RUNX3: variants seen among roughly 807,000 people sequenced by gnomAD.
RUNX3 encodes RUNX family transcription factor 3.
Under a neutral mutation model 27.7 loss-of-function variants are expected in RUNX3, and 10 were observed. The ratio of observed to expected loss-of-function variants is 0.36; its 90% CI spans 0.22 to 0.61. The LOEUF (loss-of-function observed/expected upper bound fraction) is 0.61, where lower values mean the gene tolerates loss of function less well. Among genes scored for constraint, RUNX3 ranks in the 20% least tolerant of loss-of-function variants. RUNX3 has a pLI of 0.72. For missense variants in RUNX3, 469 were observed against 629.5 expected, an observed-to-expected ratio of 0.75 and a Z score of 2.73; for synonymous variants, 270 against 269.2, an observed-to-expected ratio of 1.00 and a Z score of -0.03.
upstream of RUNX3, chr1:24,930,414 T>C (rs1641199219): frequency 5.3e-6 from 1 of 187,710 alleles, no homozygotes; most frequent in Non-Finnish European, 9.9e-6. The surrounding 1 kb of genome is among the most constrained non-coding windows in gnomAD (Gnocchi z 4.1). Flanking sequence ...GAACGGGGCC[T>C]GCCGGAGGCC....
chr1:24,912,654 C>T (rs557464111), intron 3 of RUNX3, among the ~76,000 whole-genome samples: 54 of 152,010 alleles, frequency 3.6e-4, no homozygotes, highest in African/African-American at 1.2e-3. Context: ...CATCTTGTTT[C>T]GCCTGGCAGC....
In RUNX3 at chr1:24,904,341, G is replaced by A. The variant is rs902711295; in HGVS notation, c.704-1675C>T. Among the ~76,000 whole-genome samples, 4 of 152,212 alleles carry A rather than the reference G, an allele frequency of 2.6e-5. No homozygotes were observed. The highest frequency in any genetic ancestry group is 4.4e-5 in the Non-Finnish European group (3 of 68,028). On this transcript the variant is annotated intron_variant, in intron 4 of 4. Transcript: ENST00000308873. The surrounding 1 kb of genome is among the most constrained non-coding windows in gnomAD (Gnocchi z 5.7). Reference sequence around the variant, plus strand: ...GCTGGGGTATGTTTCCCTCAGCAGCGTACTCTGGCCCTGGGCGTGGATCCG... The same window carrying A: ...GCTGGGGTATGTTTCCCTCAGCAGCATACTCTGGCCCTGGGCGTGGATCCG...
chr1:24,949,109 A>G (rs1178814043), intron 2 of RUNX3, among the ~76,000 whole-genome samples: 1 of 151,970 alleles, frequency 6.6e-6, no homozygotes, highest in East Asian at 1.9e-4. Context: ...TCTTGATACA[A>G]TCACATTCAT....
At chr1:24,926,931 C>A (rs1641110401) in intron 2 of RUNX3, among the ~76,000 whole-genome samples, 1 of 151,462 alleles carries the variant, frequency 6.6e-6, no homozygotes, top group East Asian at 1.9e-4. Context: ...CAGCCCCCCA[C>A]CCCCGTCCCG....
intron 3 of RUNX3, among the ~76,000 whole-genome samples, chr1:24,910,383 T>C (rs1571306383): frequency 6.6e-6 from 1 of 151,566 alleles, no homozygotes; most frequent in East Asian, 1.9e-4. Flanking sequence ...CGTTTTCTAG[T>C]TTGGCAGAGG....
chr1:24,947,011 G>A (rs977522231), intron 2 of RUNX3, among the ~76,000 whole-genome samples: 1 of 152,142 alleles, frequency 6.6e-6, no homozygotes, highest in Admixed American at 6.5e-5. Flanking sequence ...GGGTCCTCTG[G>A]ACCTCAGGCC....
intron 2 of RUNX3, among the ~76,000 whole-genome samples, chr1:24,937,761 G>A (rs1211965382): frequency 1.1e-4 from 16 of 152,332 alleles, no homozygotes; most frequent in Non-Finnish European, 1.3e-4. Flanking sequence ...GTGTCAAACC[G>A]AGGGCCTGGG....
intron 3 of RUNX3, among the ~76,000 whole-genome samples, chr1:24,914,052 G>A (rs1444234272): frequency 6.6e-6 from 1 of 152,202 alleles, no homozygotes; most frequent in Non-Finnish European, 1.5e-5. Context: ...ACGGTGTGTG[G>A]CACCCCTGAG....
At chr1:24,951,023 T>TG (rs1641748466) in intron 2 of RUNX3, among the ~76,000 whole-genome samples, 1 of 151,932 alleles carries the variant, frequency 6.6e-6, no homozygotes, top group Non-Finnish European at 1.5e-5. Flanking sequence ...CTGGATAACA[T>TG]GGGGAAACCC....
At chr1:24,948,449 C>T (rs993361943) in intron 2 of RUNX3, among the ~76,000 whole-genome samples, 1 of 152,160 alleles carries the variant, frequency 6.6e-6, no homozygotes, top group Non-Finnish European at 1.5e-5. Flanking sequence ...GCTGGGACAG[C>T]CTGTGACAGA....
intron 4 of RUNX3, among the ~76,000 whole-genome samples, chr1:24,906,828 G>A (rs1227692060): frequency 2.6e-5 from 4 of 152,206 alleles, no homozygotes; most frequent in African/African-American, 9.7e-5. Context: ...GCCCTGGGTG[G>A]AGGCATCCGC....
At chr1:24,936,707 C>T (rs1220609879) in intron 2 of RUNX3, among the ~76,000 whole-genome samples, 1 of 152,238 alleles carries the variant, frequency 6.6e-6, no homozygotes, top group African/African-American at 2.4e-5. Context: ...GCCCACCCAG[C>T]AGCTTCTGGG....
At position 24,927,638 on chromosome 1, in the gene RUNX3, C is replaced by A. The variant is rs140153168; in HGVS notation, c.375G>T (p.Ser125=). ...ENYSAELRNA[S]AVMKNQVARF... is the part of the protein sequence containing the mutation. The stretch of plus-strand genomic sequence containing the variant: ...TGGCCACCTGGTTCTTCATGACGGC[C>A]GAGGCATTGCGCAGCTCAGCGGAGT... The change falls in exon 2 of 5, where the codon TCG becomes TCT. Residue 125 remains serine, a synonymous_variant. Transcript: ENST00000308873. The surrounding 1 kb of genome is among the most constrained non-coding windows in gnomAD (Gnocchi z 5.0). 7.4e-6 allele frequency: 12 copies of A among 1,614,026 alleles called. No individual in the cohort carries two copies. Among genetic ancestry groups the A allele is most frequent in the Non-Finnish European group, 9.3e-6 (11 of 1,180,038 alleles).
Position 24,963,349 on chromosome 1 carries a change from G to A in RUNX3, c.58+1165C>T, listed in dbSNP as rs144421201. Among the ~76,000 whole-genome samples, 1,419 of 152,350 alleles carry A rather than the reference G, an allele frequency of 9.3e-3. 16 individuals are homozygous for A. Among genetic ancestry groups the A allele is most frequent in the South Asian group, 0.017 (80 of 4,832 alleles). On this transcript the variant is annotated intron_variant, in intron 2 of 6. Coordinates refer to the RUNX3 transcript ENST00000338888. ...AGCCAGCGGCAGGGCAGGCCAATGG[G>A]CTGGAGGGTAGGCAGGCAGGCAGAC...
chr1:24,903,890 T>C (rs2124241496), intron 4 of RUNX3, among the ~76,000 whole-genome samples: 2 of 152,330 alleles, frequency 1.3e-5, no homozygotes, highest in South Asian at 4.1e-4. Flanking sequence ...ATATAAAACA[T>C]GAGACGATAA....
At chr1:24,911,705 G>A (rs185844427) in intron 3 of RUNX3, among the ~76,000 whole-genome samples, 22 of 152,346 alleles carry the variant, frequency 1.4e-4, no homozygotes. Flanking sequence ...ATTCACACCC[G>A]GATCCCCCGA....
chr1:24,902,596 G>A lies in RUNX3; in HGVS notation c.774C>T (p.Leu258=). Residue 258 remains leucine, a synonymous_variant, in exon 5 of 5, where the codon CTC becomes CTT. Transcript: ENST00000308873. This position sits in a 1 kb window ranked among gnomAD's most constrained non-coding sequence, Gnocchi z 9.2. The part of the protein sequence containing the change: ...FDRSFPTLPT[L]TESRFPDPRM... The stretch of plus-strand genomic sequence containing the variant: ...TGGGGTCTGGGAAGCGGCTCTCCGT[G>A]AGGGTTGGCAGCGTGGGGAAGGAGC... 2.6e-6 allele frequency: 4 copies of A among 1,554,636 alleles called. No homozygotes were observed. The highest frequency in any genetic ancestry group is 3.5e-6 in the Non-Finnish European group (4 of 1,145,592).
At chr1:24,964,760 A>C (rs988820228) in intron 1 of RUNX3, 2 of 1,408,928 alleles carry the variant, frequency 1.4e-6, no homozygotes, top group African/African-American at 2.9e-5. Context: ...GAAAAAGAAA[A>C]AAGGAAAGAA....
intron 2 of RUNX3, among the ~76,000 whole-genome samples, chr1:24,919,619 G>A (rs1490996025): frequency 1.3e-5 from 2 of 152,078 alleles, no homozygotes; most frequent in Non-Finnish European, 2.9e-5. Context: ...CCTTTCTGCT[G>A]TCTCTTCTAT....
Sources: gnomAD v4.1 joint callset for allele counts (sites outside exome capture counted in the v4.1 genomes callset) on GRCh38, gnomAD v4.1.1 for gene constraint, Gnocchi (gnomAD v3.1) non-coding constraint, MANE v1.5 for transcripts, NCBI Gene and HGNC (gene_info 2026-07-23, HGNC 2026-07-21) for gene names.